The following DPY19L4 variants were observed in gnomAD, a reference collection of about 807,000 sequenced individuals.
The protein encoded by DPY19L4 is probable C-mannosyltransferase DPY19L4.
In DPY19L4, 97 loss-of-function variants were observed where a neutral mutation model predicts 102.8. The ratio of observed to expected loss-of-function variants is 0.94; its 90% confidence interval spans 0.80 to 1.12. The LOEUF is 1.12. Among genes scored for constraint, DPY19L4 ranks in the 50% most tolerant of loss-of-function variants. The probability of loss-of-function intolerance (pLI) is 0.00; values close to 1 mark genes in which losing one functional copy is unlikely to be tolerated. For synonymous variants in DPY19L4, 252 were observed against 283.1 expected (o/e 0.89, Z 1.10); for missense variants, 815 against 850.4 (o/e 0.96, Z 0.52).
In DPY19L4 at chr8:94,739,780, G is replaced by A. The variant is rs201963084; in HGVS notation, c.601G>A (p.Val201Ile). 8.0e-5 allele frequency: 129 copies of A among 1,611,908 alleles called. No homozygotes were observed. In the East Asian group the frequency reaches 1.3e-3, roughly 16 times the overall value. Reference sequence around the variant, plus strand: ...AGGAATGCTTACTGTTGCGTGGTTCGTTATTAACAGGTAAGAAAGCTGTTT... The same window carrying A: ...AGGAATGCTTACTGTTGCGTGGTTCATTATTAACAGGTAAGAAAGCTGTTT... ...LAGMLTVAWFVINRVDTTRIE... is the reference protein window; with the variant it reads ...LAGMLTVAWFIINRVDTTRIE... Residue 201 changes from valine to isoleucine, a missense_variant, in exon 6 of 19, where the codon GTT (valine) becomes ATT (isoleucine). Physicochemically the swap from Val to Ile is conservative, Grantham distance 29 (BLOSUM62 3). Coordinates refer to ENST00000414645, the MANE Select transcript of DPY19L4 (RefSeq NM_181787.3).
At chr8:94,788,507 C>T (rs1399118194) in intron 18 of DPY19L4, among the ~76,000 whole-genome samples, 1 of 152,012 alleles carries the variant, frequency 6.6e-6, no homozygotes, top group Admixed American at 6.6e-5. Context: ...ACATTGAGTC[C>T]CTATTATCCA....
chr8:94,788,954 A>G (rs1187679986), intron 18 of DPY19L4, among the ~76,000 whole-genome samples: 2 of 152,190 alleles, frequency 1.3e-5, no homozygotes, highest in Admixed American at 1.3e-4. Flanking sequence ...ATCTTGTAAT[A>G]TAAACTTACT....
chr8:94,783,617 T>C, intron 16 of DPY19L4, 53 bp from the exon 17 acceptor site: 2 of 1,590,956 alleles, frequency 1.3e-6, no homozygotes, highest in Admixed American at 1.8e-5. Flanking sequence ...AGATCAGTGA[T>C]CTAAATAGTA....
intron 7 of DPY19L4, among the ~76,000 whole-genome samples, chr8:94,761,327 C>G (rs969731653): frequency 1.3e-5 from 2 of 152,158 alleles, no homozygotes; most frequent in East Asian, 1.9e-4. Context: ...AAGGAGTTGC[C>G]TCCCCAATAA....
chr8:94,773,901 G>A (rs1263732374), intron 13 of DPY19L4, among the ~76,000 whole-genome samples: 1 of 150,402 alleles, frequency 6.6e-6, no homozygotes, highest in Non-Finnish European at 1.5e-5. Flanking sequence ...CAGGCATGGT[G>A]GCATGCGTCT....
intron 13 of DPY19L4, among the ~76,000 whole-genome samples, chr8:94,774,608 C>T (rs1363136457): frequency 7.4e-6 from 1 of 135,874 alleles, no homozygotes; most frequent in African/African-American, 2.8e-5. Flanking sequence ...GATGGAGTTT[C>T]ACCTTGTTGC....
At chr8:94,764,666 CGT>C (rs201694887) in intron 8 of DPY19L4, among the ~76,000 whole-genome samples, 3 of 78,348 alleles carry the variant, frequency 3.8e-5, no homozygotes, top group Non-Finnish European at 6.9e-5. Context: ...TGTATGTATG[CGT>C]GTGTGTGTGT....
chr8:94,792,941 A>G lies in DPY19L4; in HGVS notation c.*3031A>G, dbSNP rs1375598817. The G allele has an allele frequency of 6.6e-6, 1 of 152,108 alleles. No homozygotes were observed. Among genetic ancestry groups the G allele is most frequent in the African/African-American group, 2.4e-5 (1 of 41,418 alleles). 9.4% of individuals were successfully genotyped at this position (152,108 alleles called of 1,614,324 possible). A position where few individuals can be genotyped will look rare whatever the true frequency, so the allele number is the denominator to read the frequency against. On this transcript the variant is annotated 3_prime_UTR_variant, in exon 19 of 19. Coordinates refer to ENST00000414645, the MANE Select transcript of DPY19L4 (RefSeq NM_181787.3). ...TGCCAGACAAAGAATCTAACATAAA[A>G]TTTACCTTGAATAAGATATATGATA...
chr8:94,788,095 AT>A lies in DPY19L4; in HGVS notation c.2007+53del, dbSNP rs758246219. On this transcript the variant is annotated intron_variant, in intron 18 of 18. Coordinates refer to ENST00000414645, the MANE Select transcript of DPY19L4 (RefSeq NM_181787.3). Reference sequence around the variant, plus strand: ...AAGTTATATATATGTATATATATATATTTTTTTTTTAGAAAAATGACTTTAA... The same window carrying A: ...AAGTTATATATATGTATATATATATATTTTTTTTTAGAAAAATGACTTTAA... 2.9e-3 allele frequency: 2,766 copies of A among 967,450 alleles called. 18 individuals carry two copies. Among genetic ancestry groups the A allele is most frequent in the African/African-American group, 0.022 (960 of 43,420 alleles). The allele number at this position is 967,450 out of a possible 1,614,324, so 59.9% of individuals were successfully genotyped here.
At chr8:94,746,693 TA>T (rs1811688693) in intron 6 of DPY19L4, among the ~76,000 whole-genome samples, 2 of 152,318 alleles carry the variant, frequency 1.3e-5, no homozygotes, top group South Asian at 4.1e-4. Context: ...TAAAACTAGG[TA>T]AAGCTCCTTA....
intron 2 of DPY19L4, among the ~76,000 whole-genome samples, chr8:94,730,441 T>C (rs1455198711): frequency 6.6e-6 from 1 of 152,090 alleles, no homozygotes; most frequent in Non-Finnish European, 1.5e-5. Flanking sequence ...TTTGACTCCT[T>C]ACAAAAGTAA....
chr8:94,774,767 G>C (rs1035016524), intron 13 of DPY19L4, among the ~76,000 whole-genome samples: 1 of 151,870 alleles, frequency 6.6e-6, no homozygotes, highest in African/African-American at 2.4e-5. Flanking sequence ...AGTAAAGATG[G>C]GGTTTCTCCA....
chr8:94,736,926 T>C (rs1445830069), intron 3 of DPY19L4, among the ~76,000 whole-genome samples: 2 of 152,212 alleles, frequency 1.3e-5, no homozygotes, highest in Non-Finnish European at 2.9e-5. Context: ...TCTTAGGGCA[T>C]GTCTTGTGGT....
chr8:94,753,079 G>A (rs758249392), intron 6 of DPY19L4, among the ~76,000 whole-genome samples: 4 of 149,904 alleles, frequency 2.7e-5, no homozygotes, highest in Non-Finnish European at 5.9e-5. Context: ...TTTCCTTATC[G>A]TACTGTACTG....
Position 94,765,564 on chromosome 8 carries a change from G to T in DPY19L4, c.1003-147G>T, listed in dbSNP as rs975587950. On this transcript the variant is annotated intron_variant, in intron 9 of 18. Coordinates refer to ENST00000414645, the MANE Select transcript of DPY19L4 (RefSeq NM_181787.3). The stretch of plus-strand genomic sequence containing the variant: ...TTGGCCAGGCTGGTGTCAAACTCCC[G>T]ACCTCAAGTGATCCCCTATCTTTGG... 1.4e-5 allele frequency: 10 copies of T among 712,780 alleles called. No homozygotes were observed. In the African/African-American group the frequency reaches 1.8e-4, roughly 13 times the overall value. 44.2% of individuals were successfully genotyped at this position (712,780 alleles called of 1,614,324 possible). A position where few individuals can be genotyped will look rare whatever the true frequency, so the allele number is the denominator to read the frequency against.
chr8:94,760,040 C>T (rs1258752329), intron 7 of DPY19L4, among the ~76,000 whole-genome samples: 3 of 152,164 alleles, frequency 2.0e-5, no homozygotes, highest in Non-Finnish European at 4.4e-5. Flanking sequence ...TGAGACACAG[C>T]AAGCAAGGTC....
intron 13 of DPY19L4, among the ~76,000 whole-genome samples, chr8:94,773,871 CAAA>C (rs71273373): frequency 1.4e-5 from 1 of 70,442 alleles, no homozygotes; most frequent in African/African-American, 5.1e-5. Context: ...CCCATCTCTA[CAAA>C]AAAAAAAAAA....
chr8:94,762,024 C>T (rs929513337), intron 8 of DPY19L4, among the ~76,000 whole-genome samples, 190 bp downstream of exon 8: 3 of 152,028 alleles, frequency 2.0e-5, no homozygotes, highest in Non-Finnish European at 4.4e-5. Flanking sequence ...ACTTGCTAAA[C>T]GAAAGGGTGA....
At chr8:94,720,404 C>A (rs896062244) in intron 1 of DPY19L4, among the ~76,000 whole-genome samples, 4 of 152,070 alleles carry the variant, frequency 2.6e-5, no homozygotes, top group African/African-American at 9.7e-5. Flanking sequence ...TTTTAAAGGG[C>A]TGTGGATATT....
Sources: gnomAD v4.1 joint callset for allele counts (sites outside exome capture counted in the v4.1 genomes callset) on GRCh38, gnomAD v4.1.1 for gene constraint, MANE v1.5 for transcripts, NCBI Gene and HGNC (gene_info 2026-07-23, HGNC 2026-07-21) for gene names.